Variants in THEM4 observed in about 807,000 individuals in gnomAD.
THEM4 encodes acyl-coenzyme A thioesterase THEM4.
In THEM4, 22 loss-of-function variants were observed where a neutral mutation model predicts 25.0. The observed-to-expected ratio is 0.88, with a 90% CI of 0.63 to 1.26. The LOEUF is 1.26. Among genes scored for constraint, THEM4 ranks in the 50% most tolerant of loss-of-function variants. The probability of loss-of-function intolerance (pLI) is 0.00; values close to 1 mark genes in which losing one functional copy is unlikely to be tolerated. For missense variants in THEM4, 286 were observed against 300.3 expected (o/e 0.95, Z 0.35); for synonymous variants, 113 against 105.6 (o/e 1.07, Z -0.43).
chr1:151,909,198 G>A (rs1162320469), intron 1 of THEM4, among the ~76,000 whole-genome samples, 162 bp downstream of exon 1: 2 of 152,240 alleles, frequency 1.3e-5, no homozygotes, highest in Non-Finnish European at 2.9e-5. Flanking sequence ...TCTCAGGACT[G>A]TATTCCTAGG....
intron 4 of THEM4, among the ~76,000 whole-genome samples, chr1:151,883,034 G>A (rs1362622499): frequency 3.1e-5 from 4 of 130,338 alleles, no homozygotes; most frequent in Non-Finnish European, 6.5e-5. Context: ...AGCAAGGCAC[G>A]TCTTACATGG....
rs568764959 is a variant in THEM4, at chr1:151,905,227, G to A, written c.99+4133C>T. Among the ~76,000 whole-genome samples the A allele has an allele frequency of 4.6e-5, 7 of 152,302 alleles. No individual in the cohort carries two copies. In the East Asian group the frequency reaches 9.7e-4, roughly 21 times the overall value. On this transcript the variant is annotated intron_variant, in intron 1 of 5. Transcript: ENST00000368814. ...AGTTCATGCCATTGGCAGACGCAAG[G>A]AGCCTGGCCTCTTGAGTTCCTGTGT...
intron 1 of THEM4, among the ~76,000 whole-genome samples, chr1:151,902,490 C>T (rs1654372823): frequency 6.6e-6 from 1 of 150,836 alleles, no homozygotes; most frequent in African/African-American, 2.4e-5. Context: ...ACTTTGGGGA[C>T]TTGGGGGGAA....
At chr1:151,908,397 CA>C (rs1421701929) in intron 1 of THEM4, among the ~76,000 whole-genome samples, 3 of 152,168 alleles carry the variant, frequency 2.0e-5, no homozygotes, top group African/African-American at 7.2e-5. Flanking sequence ...TTTAGCCCGG[CA>C]TGGCCCAGAT....
intron 1 of THEM4, among the ~76,000 whole-genome samples, chr1:151,903,071 T>C (rs1654387981): frequency 6.6e-6 from 1 of 152,124 alleles, no homozygotes; most frequent in South Asian, 2.1e-4. Flanking sequence ...TATCAGAGGG[T>C]TGGGGATACA....
chr1:151,879,192 G>A (rs1451205550), intron 4 of THEM4, among the ~76,000 whole-genome samples: 1 of 152,118 alleles, frequency 6.6e-6, no homozygotes, highest in African/African-American at 2.4e-5. Flanking sequence ...AGCCTGAATA[G>A]TTGAATAAAG....
At chr1:151,887,980 T>C (rs1174455427) in intron 4 of THEM4, among the ~76,000 whole-genome samples, 1 of 152,020 alleles carries the variant, frequency 6.6e-6, no homozygotes, top group Admixed American at 6.6e-5. Flanking sequence ...CATGCGAGAG[T>C]ATAAAGACTC....
rs1186625270 is a variant in THEM4, at chr1:151,872,823, G to T, written c.*2065C>A. 2.0e-5 allele frequency among the ~76,000 whole-genome samples: 3 copies of T among 152,172 alleles called. No individual in the cohort carries two copies. Among genetic ancestry groups the T allele is most frequent in the African/African-American group, 7.2e-5 (3 of 41,434 alleles). On this transcript the variant is annotated 3_prime_UTR_variant, in exon 6 of 6. Transcript: ENST00000368814. ...GAAAGCCGCAGGGACCTCTGCCCAA[G>T]AAAGCCTGGGTATTGTCCAAGGTTT... is the stretch of plus-strand genomic sequence containing the variant.
At chr1:151,879,695 C>T (rs1204558828) in intron 4 of THEM4, among the ~76,000 whole-genome samples, 3 of 140,304 alleles carry the variant, frequency 2.1e-5, no homozygotes, top group Non-Finnish European at 4.5e-5. Flanking sequence ...CTTGTTCTGT[C>T]ACCCAGGTTG....
At chr1:151,889,143 T>C (rs1654033589) in intron 3 of THEM4, 71 bp downstream of exon 3, 3 of 1,284,344 alleles carry the variant, frequency 2.3e-6, no homozygotes, top group Admixed American at 2.0e-5. Context: ...TTGTAGTCCA[T>C]GTACAGGACA....
At chr1:151,875,171 C>A (rs568848602) in intron 5 of THEM4, among the ~76,000 whole-genome samples, 1 of 152,280 alleles carries the variant, frequency 6.6e-6, no homozygotes, top group Admixed American at 6.5e-5. Context: ...CTCACTACTT[C>A]CATTAGAAAT....
chr1:151,893,801 A>G (rs1027466452), intron 2 of THEM4, among the ~76,000 whole-genome samples: 2 of 152,168 alleles, frequency 1.3e-5, no homozygotes, highest in Non-Finnish European at 2.9e-5. Context: ...AGGAGAGTGA[A>G]TAAACTAGGG....
chr1:151,882,030 A>ATT (rs113395082), intron 4 of THEM4, among the ~76,000 whole-genome samples: 93 of 149,882 alleles, frequency 6.2e-4, no homozygotes, highest in African/African-American at 2.2e-3. Context: ...ATTCAGGGTA[A>ATT]TTTTTTTTTT....
chr1:151,892,390 C>T (rs1654113630), intron 2 of THEM4, among the ~76,000 whole-genome samples: 1 of 152,180 alleles, frequency 6.6e-6, no homozygotes, highest in African/African-American at 2.4e-5. Flanking sequence ...ACTTCCGTCA[C>T]TAGTGGCTTC....
At chr1:151,884,151 A>T (rs763611127) in intron 4 of THEM4, among the ~76,000 whole-genome samples, 1 of 151,980 alleles carries the variant, frequency 6.6e-6, no homozygotes, top group Non-Finnish European at 1.5e-5. Flanking sequence ...TGTTGGCTAC[A>T]AATTAGAAAC....
At chr1:151,876,685 G>C (rs1490584727) in intron 5 of THEM4, among the ~76,000 whole-genome samples, 1 of 152,120 alleles carries the variant, frequency 6.6e-6, no homozygotes, top group East Asian at 1.9e-4. Context: ...CTGGGCTCAA[G>C]TGATCCTCCC....
chr1:151,888,477 T>A (rs1654017885), intron 3 of THEM4, 94 bp from the exon 4 acceptor site: 1 of 858,264 alleles, frequency 1.2e-6, no homozygotes, highest in Non-Finnish European at 1.8e-6. Flanking sequence ...ATCTTCACAC[T>A]ATTTACTTAT....
chr1:151,906,032 G>A (rs1282381455), intron 1 of THEM4, among the ~76,000 whole-genome samples: 1 of 152,246 alleles, frequency 6.6e-6, no homozygotes, highest in South Asian at 2.1e-4. Flanking sequence ...TCCCACTTTG[G>A]CGGCACTTCA....
At chr1:151,906,350 A>C (rs561599497) in intron 1 of THEM4, among the ~76,000 whole-genome samples, 1 of 152,226 alleles carries the variant, frequency 6.6e-6, no homozygotes, top group African/African-American at 2.4e-5. Context: ...TCGATTTCTC[A>C]CTGGGCCTTA....
Sources: gnomAD v4.1 joint callset for allele counts (sites outside exome capture counted in the v4.1 genomes callset) on GRCh38, gnomAD v4.1.1 for gene constraint, MANE v1.5 for transcripts, NCBI Gene and HGNC (gene_info 2026-07-23, HGNC 2026-07-21) for gene names.